The following GLRX3 variants were observed in gnomAD, a reference collection of about 807,000 sequenced individuals.
GLRX3 encodes glutaredoxin 3.
A neutral mutation model predicts 49.5 loss-of-function variants in GLRX3; 22 were observed. The ratio of observed to expected loss-of-function variants is 0.44; its 90% CI spans 0.32 to 0.63. The LOEUF (loss-of-function observed/expected upper bound fraction) is 0.63. Ranked by LOEUF, GLRX3 falls within the 30% of genes least tolerant of loss-of-function variation. GLRX3 has a pLI of 0.05. For synonymous variants in GLRX3, 133 were observed against 140.0 expected, an observed-to-expected ratio of 0.95 and a Z score of 0.35; for missense variants, 385 against 396.3, an observed-to-expected ratio of 0.97 and a Z score of 0.24.
intron 2 of GLRX3, among the ~76,000 whole-genome samples, chr10:130,146,425 C>T (rs527860540): frequency 3.3e-5 from 5 of 152,192 alleles, no homozygotes; most frequent in Non-Finnish European, 7.3e-5. Context: ...CAGTCAGTCT[C>T]TTCCTTGCCT....
At chr10:130,143,338 G>C (rs573505365) in intron 1 of GLRX3, among the ~76,000 whole-genome samples, 2 of 152,172 alleles carry the variant, frequency 1.3e-5, no homozygotes, top group African/African-American at 4.8e-5. Context: ...TTTTGCCATG[G>C]AACATATTTC....
chr10:130,143,632 A>G (rs1376084879), intron 1 of GLRX3, among the ~76,000 whole-genome samples: 1 of 152,024 alleles, frequency 6.6e-6, no homozygotes, highest in Non-Finnish European at 1.5e-5. Context: ...GGGCTCAAGT[A>G]ATCCTTCCAC....
intron 2 of GLRX3, 26 bp from the exon 3 acceptor site, chr10:130,159,965 TAATC>T: frequency 2.8e-6 from 4 of 1,426,588 alleles, no homozygotes; most frequent in Non-Finnish European, 3.0e-6. Flanking sequence ...GACCTTGTAA[TAATC>T]AAGCTTGAAT....
At chr10:130,162,467 C>T (rs774959621) in intron 4 of GLRX3, among the ~76,000 whole-genome samples, 6 of 152,196 alleles carry the variant, frequency 3.9e-5, no homozygotes, top group Non-Finnish European at 8.8e-5. Flanking sequence ...TTCACATTCA[C>T]CTTCTTCCAT....
rs948910177 is a variant in GLRX3, at chr10:130,136,437, C to T, written c.17C>T (p.Ala6Val). Residue 6 changes from alanine to valine, a missense_variant, in exon 1 of 11, where the codon GCT becomes GTT. Ala to Val is a moderately conservative substitution (Grantham distance 64). Coordinates refer to ENST00000331244, the MANE Select transcript of GLRX3 (RefSeq NM_006541.5). ...GGCGGCAGCATGGCGGCGGGGGCGG[C>T]TGAGGCAGCTGTAGCGGCCGTGGAG... is the stretch of plus-strand genomic sequence containing the variant. Reference protein sequence around the residue: MAAGAAEAAVAAVEEV... With the variant: MAAGAVEAAVAAVEEV... 7.2e-6 allele frequency: 9 copies of T among 1,257,248 alleles called. No individual in the cohort carries two copies. Among genetic ancestry groups the T allele is most frequent in the Non-Finnish European group, 8.0e-6 (8 of 994,720 alleles). The allele number at this position is 1,257,248 out of a possible 1,614,324, so 77.9% of individuals were successfully genotyped here.
At chr10:130,178,894 G>A (rs1590077398) in intron 10 of GLRX3, among the ~76,000 whole-genome samples, 1 of 152,036 alleles carries the variant, frequency 6.6e-6, no homozygotes, top group East Asian at 1.9e-4. Flanking sequence ...AGTAGAGACG[G>A]GGTTTCACCA....
chr10:130,167,122 C>A, intron 6 of GLRX3, 142 bp downstream of exon 6: 1 of 505,364 alleles, frequency 2.0e-6, no homozygotes, highest in Non-Finnish European at 3.5e-6. Context: ...GTCACATTAG[C>A]CATTCAAACT....
chr10:130,160,149 C>G, intron 3 of GLRX3, 80 bp downstream of exon 3: 1 of 818,402 alleles, frequency 1.2e-6, no homozygotes, highest in Non-Finnish European at 2.1e-6. Context: ...TACCCTCTCT[C>G]TAATCCCCGA....
rs1590072858 is a variant in GLRX3, at chr10:130,171,599, T to G, written c.787T>G (p.Phe263Val). The change falls in exon 8 of 11, where the codon TTC becomes GTC. Residue 263 changes from phenylalanine to valine, a missense_variant. This residue lies in a region of GLRX3 where 374 missense variants were observed against 358.6 expected (regional missense o/e 1.04). Coordinates refer to ENST00000331244, the MANE Select transcript of GLRX3 (RefSeq NM_006541.5). The stretch of plus-strand genomic sequence containing the variant: ...TTTCATTTAGGAAGCAAAATGTGGA[T>G]TCAGCAAACAAATTCTGGAAATACT... The part of the protein sequence containing the change: ...KGNKQEAKCG[F>V]SKQILEILNS... 5 of 1,547,494 alleles carry G rather than the reference T, an allele frequency of 3.2e-6. No individual in the cohort carries two copies. The Admixed American group carries it at 8.3e-5, about 26-fold the overall frequency.
intron 1 of GLRX3, among the ~76,000 whole-genome samples, chr10:130,144,314 A>G (rs1160588270): frequency 8.3e-6 from 1 of 120,318 alleles, no homozygotes; most frequent in Non-Finnish European, 1.7e-5. Context: ...CGTTTACTTT[A>G]AGTTCTGGGA....
At chr10:130,153,850 C>T (rs189137918) in intron 2 of GLRX3, among the ~76,000 whole-genome samples, 2 of 152,286 alleles carry the variant, frequency 1.3e-5, no homozygotes, top group East Asian at 3.9e-4. Context: ...CAGGCAGGGA[C>T]GTTTAAGTCT....
chr10:130,179,108 G>T (rs893198941), intron 10 of GLRX3, among the ~76,000 whole-genome samples: 1 of 152,180 alleles, frequency 6.6e-6, no homozygotes, highest in Non-Finnish European at 1.5e-5. Context: ...AAAGTGCTGG[G>T]ATTACATTTG....
intron 1 of GLRX3, among the ~76,000 whole-genome samples, chr10:130,144,797 G>T (rs1400891136): frequency 6.6e-6 from 1 of 152,200 alleles, no homozygotes; most frequent in Non-Finnish European, 1.5e-5. Flanking sequence ...ATAGTAGAAT[G>T]ATTTATAATC....
chr10:130,165,107 CT>C (rs1443714255), intron 4 of GLRX3, among the ~76,000 whole-genome samples: 2 of 152,178 alleles, frequency 1.3e-5, no homozygotes, highest in Non-Finnish European at 2.9e-5. Context: ...AAAGCCCATT[CT>C]TGCAATTAAT....
In GLRX3 at chr10:130,179,369, C is replaced by G. The variant is rs769173004; in HGVS notation, c.985C>G (p.Pro329Ala). Residue 329 changes from proline (P) to alanine (A), a missense_variant, in exon 11 of 11, where the codon CCT (proline) becomes GCT (alanine). Coordinates refer to ENST00000331244, the MANE Select transcript of GLRX3 (RefSeq NM_006541.5). ...ACTGAAAGAAAATGGTGAATTGCTG[C>G]CTATACTGAGAGGAGAAAATTAATA... ...KELKENGELL[P>A]ILRGEN 6.8e-7 allele frequency: 1 copy of G among 1,477,048 alleles called. No homozygotes were observed. The allele number at this position is 1,477,048 out of a possible 1,614,324, so 91.5% of individuals were successfully genotyped here.
intron 2 of GLRX3, among the ~76,000 whole-genome samples, chr10:130,152,881 T>A (rs1862404732): frequency 6.6e-6 from 1 of 152,238 alleles, no homozygotes; most frequent in Non-Finnish European, 1.5e-5. Context: ...TCCTGGATAA[T>A]ATCCTGAAGA....
At chr10:130,138,847 G>GTTT (rs61152449) in intron 1 of GLRX3, among the ~76,000 whole-genome samples, 7,180 of 94,628 alleles carry the variant, frequency 0.076, 84 homozygotes, top group East Asian at 0.1. Context: ...GAATAAAAGT[G>GTTT]TTTTTTTTTT....
chr10:130,157,837 T>C (rs1862506178), intron 2 of GLRX3, among the ~76,000 whole-genome samples: 1 of 152,206 alleles, frequency 6.6e-6, no homozygotes, highest in Non-Finnish European at 1.5e-5. Flanking sequence ...TGATAATCTT[T>C]GAGCTCTTCT....
At chr10:130,145,805 AT>A (rs566082139) in intron 2 of GLRX3, among the ~76,000 whole-genome samples, 67 of 149,262 alleles carry the variant, frequency 4.5e-4, no homozygotes, top group African/African-American at 8.1e-4. Flanking sequence ...ATAATTTTGC[AT>A]TTTTTTTTTT....
Sources: allele counts gnomAD v4.1 joint callset (sites outside exome capture counted in the v4.1 genomes callset), GRCh38; gene constraint gnomAD v4.1.1; regional missense constraint gnomAD v4.1.1; transcripts MANE v1.5; gene names NCBI Gene and HGNC (gene_info 2026-07-23, HGNC 2026-07-21).